CFAP299: variants seen among roughly 807,000 people sequenced by gnomAD.
CFAP299 encodes the protein cilia- and flagella-associated protein 299.
In CFAP299, 21 loss-of-function variants were observed where a neutral mutation model predicts 27.0. That is an observed-to-expected ratio of 0.78 (90% CI 0.55 to 1.12). The LOEUF (loss-of-function observed/expected upper bound fraction) is 1.12. Among genes scored for constraint, CFAP299 ranks in the 50% most tolerant of loss-of-function variants. CFAP299 has a pLI of 0.00. For synonymous variants in CFAP299, 104 were observed against 98.1 expected (o/e 1.06, Z -0.36); for missense variants, 310 against 276.6 (o/e 1.12, Z -0.86).
chr4:80,659,832 A>G (rs1740747590), intron 3 of CFAP299, among the ~76,000 whole-genome samples: 1 of 152,126 alleles, frequency 6.6e-6, no homozygotes, highest in Non-Finnish European at 1.5e-5. Flanking sequence ...CAAATAAGTG[A>G]TAAGGAAAAG....
At chr4:80,710,519 T>C (rs936112746) in intron 3 of CFAP299, among the ~76,000 whole-genome samples, 6 of 145,102 alleles carry the variant, frequency 4.1e-5, no homozygotes, top group Non-Finnish European at 7.5e-5. Flanking sequence ...AAAGGTAAGT[T>C]GGAATATCAA....
chr4:80,349,941 G>T (rs919664013), intron 1 of CFAP299, among the ~76,000 whole-genome samples: 2 of 152,026 alleles, frequency 1.3e-5, no homozygotes, highest in African/African-American at 4.8e-5. Context: ...TTACATATAG[G>T]CAATATGATT....
intron 3 of CFAP299, among the ~76,000 whole-genome samples, chr4:80,853,650 G>T (rs903851388): frequency 2.0e-5 from 3 of 152,100 alleles, no homozygotes; most frequent in Admixed American, 1.3e-4. Context: ...GAAAATAGTG[G>T]GAATCAGGTT....
intron 3 of CFAP299, among the ~76,000 whole-genome samples, chr4:80,857,343 A>G (rs550458518): frequency 1.3e-5 from 2 of 152,302 alleles, no homozygotes; most frequent in Admixed American, 6.5e-5. Flanking sequence ...CAATCATGTC[A>G]TCTGCAAACA....
chr4:80,721,545 A>G (rs1201170362), intron 3 of CFAP299, among the ~76,000 whole-genome samples: 1 of 152,078 alleles, frequency 6.6e-6, no homozygotes, highest in Non-Finnish European at 1.5e-5. Flanking sequence ...TTTTAATCTA[A>G]TTACCTCGTT....
At chr4:80,958,044 C>T (rs959325118) in intron 5 of CFAP299, among the ~76,000 whole-genome samples, 1 of 152,024 alleles carries the variant, frequency 6.6e-6, no homozygotes, top group Non-Finnish European at 1.5e-5. Context: ...ACTTTTAAGG[C>T]CCTCTATTAT....
chr4:80,752,158 G>C (rs571895134), intron 3 of CFAP299, among the ~76,000 whole-genome samples: 1 of 152,100 alleles, frequency 6.6e-6, no homozygotes, highest in Admixed American at 6.5e-5. Flanking sequence ...CTTTGGCTCT[G>C]TGCCACTCCC....
At chr4:80,528,177 G>A (rs561523451) in intron 2 of CFAP299, among the ~76,000 whole-genome samples, 1 of 152,104 alleles carries the variant, frequency 6.6e-6, no homozygotes, top group East Asian at 1.9e-4. Flanking sequence ...AACACTGAAG[G>A]CTTTTCCATC....
At chr4:80,437,243 T>C (rs1400691152) in intron 2 of CFAP299, among the ~76,000 whole-genome samples, 1 of 152,218 alleles carries the variant, frequency 6.6e-6, no homozygotes, top group African/African-American at 2.4e-5. Flanking sequence ...ATATCATTGC[T>C]AGTGCTGATG....
At chr4:80,682,544 C>T (rs1719908385) in intron 3 of CFAP299, among the ~76,000 whole-genome samples, 1 of 150,162 alleles carries the variant, frequency 6.7e-6, no homozygotes, top group Non-Finnish European at 1.5e-5. Flanking sequence ...CTACTAAATG[C>T]TAAGCAGTGT....
intron 3 of CFAP299, among the ~76,000 whole-genome samples, chr4:80,670,328 T>C (rs562326158): frequency 6.6e-6 from 1 of 152,310 alleles, no homozygotes; most frequent in South Asian, 2.1e-4. Context: ...TCATCCTTTT[T>C]TATGGCTGCA....
chr4:80,539,719 C>T (rs1733911494), intron 2 of CFAP299, among the ~76,000 whole-genome samples: 1 of 151,994 alleles, frequency 6.6e-6, no homozygotes, highest in Admixed American at 6.6e-5. Context: ...TTAGCTTGGC[C>T]CTGTGATTAA....
At chr4:80,433,982 T>G (rs1427633888) in intron 2 of CFAP299, among the ~76,000 whole-genome samples, 1 of 152,200 alleles carries the variant, frequency 6.6e-6, no homozygotes, top group Non-Finnish European at 1.5e-5. Context: ...AATACAACTT[T>G]TTAATTGGTC....
At chr4:80,558,357 TGTTTG>T (rs373302896) in intron 2 of CFAP299, among the ~76,000 whole-genome samples, 11 of 139,680 alleles carry the variant, frequency 7.9e-5, no homozygotes, top group African/African-American at 2.9e-4. Context: ...TTTGTTTGTT[TGTTTG>T]TTTGTTTTTT....
Position 80,761,532 on chromosome 4 carries a change from A to C in CFAP299, c.334-108461A>C, listed in dbSNP as rs752967684. Among the ~76,000 whole-genome samples the C allele has an allele frequency of 6.0e-4, 92 of 152,092 alleles. 1 individual carries two copies. Among genetic ancestry groups the C allele is most frequent in the Non-Finnish European group, 1.1e-3 (76 of 67,970 alleles). On this transcript the variant is annotated intron_variant, in intron 3 of 5. Coordinates refer to ENST00000358105, the MANE Select transcript of CFAP299 (RefSeq NM_152770.3). ...AATATTAATATATTTATATGGAAGG[A>C]GGAAATACTTCACTTTAGATTAAAA... is the stretch of plus-strand genomic sequence containing the variant.
At chr4:80,799,336 T>C (rs1331025292) in intron 3 of CFAP299, among the ~76,000 whole-genome samples, 1 of 95,928 alleles carries the variant, frequency 1.0e-5, no homozygotes, top group Admixed American at 1.6e-4. Context: ...TTATATAATA[T>C]TTATATATAT....
intron 2 of CFAP299, among the ~76,000 whole-genome samples, chr4:80,484,996 C>T (rs185802704): frequency 7.7e-4 from 117 of 152,126 alleles, no homozygotes; most frequent in African/African-American, 2.6e-3. Flanking sequence ...TTGAATAAGT[C>T]ACTAGCATCA....
intron 4 of CFAP299, among the ~76,000 whole-genome samples, chr4:80,914,124 C>G (rs1235242354): frequency 6.6e-6 from 1 of 152,156 alleles, no homozygotes; most frequent in Non-Finnish European, 1.5e-5. Flanking sequence ...TCCTCATAGT[C>G]TGTGTCTAAT....
chr4:80,644,496 G>A (rs1739891667), intron 3 of CFAP299, among the ~76,000 whole-genome samples: 1 of 152,080 alleles, frequency 6.6e-6, no homozygotes, highest in Admixed American at 6.6e-5. Context: ...TCATTCAGTG[G>A]TTCTTTCCAT....
Sources: allele counts gnomAD v4.1 joint callset (sites outside exome capture counted in the v4.1 genomes callset), GRCh38; gene constraint gnomAD v4.1.1; transcripts MANE v1.5; gene names NCBI Gene and HGNC (gene_info 2026-07-23, HGNC 2026-07-21).